RAD50: variants seen among roughly 807,000 people sequenced by gnomAD.
RAD50 encodes the protein RAD50 double strand break repair protein.
Under a neutral mutation model 168.8 loss-of-function variants are expected in RAD50, and 132 were observed. That is an observed-to-expected ratio of 0.78 (90% CI 0.68 to 0.90). The LOEUF (loss-of-function observed/expected upper bound fraction) is 0.90, where lower values mean the gene tolerates loss of function less well. Ranked by LOEUF, RAD50 falls within the 40% of genes least tolerant of loss-of-function variation. The probability of loss-of-function intolerance (pLI) is 0.00; values close to 1 mark genes in which losing one functional copy is unlikely to be tolerated. For missense variants in RAD50, 1,347 were observed against 1,534.4 expected (o/e 0.88, Z 2.04); for synonymous variants, 525 against 497.4 (o/e 1.06, Z -0.74).
chr5:132,613,209 G>A (rs1032140916), intron 19 of RAD50, among the ~76,000 whole-genome samples: 8 of 152,158 alleles, frequency 5.3e-5, no homozygotes, highest in South Asian at 4.2e-4. Context: ...ACTTATTTAC[G>A]TACTGATTTA....
intron 5 of RAD50, 85 bp from the exon 6 acceptor site, chr5:132,587,476 TG>T: frequency 6.4e-7 from 1 of 1,553,124 alleles, no homozygotes; most frequent in Non-Finnish European, 8.7e-7. Flanking sequence ...ACTAAATGCC[TG>T]GACCTGGAGT....
intron 2 of RAD50, among the ~76,000 whole-genome samples, chr5:132,565,254 A>G (rs935623445): frequency 2.0e-5 from 3 of 151,452 alleles, no homozygotes; most frequent in South Asian, 2.1e-4. Context: ...ACTGTGAGCC[A>G]ATTAAACCTC....
chr5:132,623,578 A>T (rs1561653135), intron 21 of RAD50, among the ~76,000 whole-genome samples: 1 of 152,076 alleles, frequency 6.6e-6, no homozygotes, highest in African/African-American at 2.4e-5. Context: ...CTTCGTTTCT[A>T]TTATGTAGGG....
chr5:132,627,506 A>C (rs1239672659), intron 21 of RAD50, among the ~76,000 whole-genome samples: 1 of 152,226 alleles, frequency 6.6e-6, no homozygotes, highest in Non-Finnish European at 1.5e-5. Context: ...ATTGATGAGA[A>C]GGGAGCAAGA....
chr5:132,604,147 C>T (rs1750939100), intron 15 of RAD50, 101 bp downstream of exon 15: 1 of 1,408,074 alleles, frequency 7.1e-7, no homozygotes, highest in South Asian at 1.2e-5. Context: ...CAACGAAGTT[C>T]CTTCCTGTCC....
chr5:132,616,883 A>T (rs1751186580), intron 20 of RAD50, among the ~76,000 whole-genome samples: 1 of 152,238 alleles, frequency 6.6e-6, no homozygotes, highest in Non-Finnish European at 1.5e-5. Flanking sequence ...AAAAATGCCC[A>T]GGCTTTTCTA....
intron 5 of RAD50, among the ~76,000 whole-genome samples, chr5:132,585,530 T>C (rs917939697): frequency 6.6e-6 from 1 of 152,090 alleles, no homozygotes; most frequent in Non-Finnish European, 1.5e-5. Context: ...TATAAAAGTC[T>C]TTTGCCTATT....
intron 21 of RAD50, among the ~76,000 whole-genome samples, chr5:132,633,371 T>C (rs1376688211): frequency 6.6e-6 from 1 of 152,006 alleles, no homozygotes; most frequent in Non-Finnish European, 1.5e-5. Flanking sequence ...TCCTAAAGTG[T>C]TGGGATTACA....
chr5:132,619,558 C>T (rs780061257), intron 21 of RAD50, among the ~76,000 whole-genome samples: 3 of 152,028 alleles, frequency 2.0e-5, no homozygotes, highest in Non-Finnish European at 4.4e-5. Context: ...AGGCATTGTT[C>T]CTGGCCCTAT....
chr5:132,594,508 A>G (rs1021694479), intron 11 of RAD50, among the ~76,000 whole-genome samples: 1 of 152,208 alleles, frequency 6.6e-6, no homozygotes, highest in African/African-American at 2.4e-5. Flanking sequence ...AGTATTTGTG[A>G]AAGGACTAAA....
chr5:132,591,140 G>A, intron 9 of RAD50, 84 bp from the exon 10 acceptor site: 1 of 1,374,508 alleles, frequency 7.3e-7, no homozygotes, highest in South Asian at 1.2e-5. Context: ...CTGAGGAGTA[G>A]TTAATTTCTA....
At chr5:132,608,050 G>A (rs1271816184) in intron 16 of RAD50, among the ~76,000 whole-genome samples, 1 of 152,174 alleles carries the variant, frequency 6.6e-6, no homozygotes, top group African/African-American at 2.4e-5. Context: ...AATAGTTGTG[G>A]AGACACCAAC....
intron 13 of RAD50, among the ~76,000 whole-genome samples, chr5:132,602,463 A>G (rs1308866726): frequency 6.6e-6 from 1 of 152,214 alleles, no homozygotes; most frequent in Non-Finnish European, 1.5e-5. Flanking sequence ...TTCATTAGCT[A>G]CAGTAGTGAG....
intron 3 of RAD50, among the ~76,000 whole-genome samples, chr5:132,578,035 G>T (rs1009304732): frequency 6.6e-6 from 1 of 152,012 alleles, no homozygotes; most frequent in Non-Finnish European, 1.5e-5. Flanking sequence ...GAATGGTCTT[G>T]ATCTCTTGAC....
intron 16 of RAD50, among the ~76,000 whole-genome samples, chr5:132,605,744 G>A (rs1750974312): frequency 1.3e-5 from 2 of 152,126 alleles, no homozygotes; most frequent in Admixed American, 1.3e-4. Flanking sequence ...AACACTCTCA[G>A]CAAATGCAAA....
intron 14 of RAD50, 116 bp downstream of exon 14, chr5:132,603,605 C>G (rs2149847100): frequency 1.7e-6 from 2 of 1,191,914 alleles, no homozygotes; most frequent in Non-Finnish European, 2.5e-6. Context: ...TTAGAATTCC[C>G]CATCCTGAAT....
intron 15 of RAD50, among the ~76,000 whole-genome samples, chr5:132,604,383 A>C (rs1013600082): frequency 3.3e-5 from 5 of 150,404 alleles, no homozygotes; most frequent in Non-Finnish European, 7.4e-5. Flanking sequence ...CTCCTGCCTC[A>C]CCCTCCTGAG....
intron 19 of RAD50, among the ~76,000 whole-genome samples, chr5:132,613,690 G>A (rs994753887): frequency 1.4e-5 from 2 of 141,690 alleles, no homozygotes; most frequent in East Asian, 4.1e-4. Flanking sequence ...TGCAACATTC[G>A]CCTCCCGGGT....
intron 21 of RAD50, among the ~76,000 whole-genome samples, chr5:132,625,576 T>C (rs942116433): frequency 5.3e-5 from 8 of 152,204 alleles, no homozygotes; most frequent in Non-Finnish European, 1.5e-5. Flanking sequence ...TACTATTTAG[T>C]TATTTTTAAA....
Sources: allele counts gnomAD v4.1 joint callset (sites outside exome capture counted in the v4.1 genomes callset), GRCh38; gene constraint gnomAD v4.1.1; transcripts MANE v1.5; gene names NCBI Gene and HGNC (gene_info 2026-07-23, HGNC 2026-07-21).